SPHKAP: variants seen among roughly 807,000 people sequenced by gnomAD.
SPHKAP encodes A-kinase anchor protein SPHKAP.
In SPHKAP, 67 loss-of-function variants were observed where a neutral mutation model predicts 137.5. The ratio of observed to expected loss-of-function variants is 0.49; its 90% confidence interval spans 0.40 to 0.60. The LOEUF is 0.60. SPHKAP is among the 20% of genes least tolerant of loss of function. SPHKAP has a pLI of 0.00. For missense variants in SPHKAP, 2,097 were observed against 2,069.3 expected, an observed-to-expected ratio of 1.01 and a Z score of -0.26; for synonymous variants, 813 against 785.3, an observed-to-expected ratio of 1.04 and a Z score of -0.59.
chr2:228,027,379 T>G, intron 4 of SPHKAP, 105 bp downstream of exon 4: 1 of 1,179,076 alleles, frequency 8.5e-7, no homozygotes. Flanking sequence ...GTAATGAAAC[T>G]ATCTAACTAA....
chr2:228,101,945 A>T (rs1010180220), intron 3 of SPHKAP, among the ~76,000 whole-genome samples: 1 of 152,242 alleles, frequency 6.6e-6, no homozygotes, highest in Non-Finnish European at 1.5e-5. Context: ...ATACAACTTT[A>T]TCAACTTATA....
chr2:228,104,696 C>T (rs947068793), intron 3 of SPHKAP, among the ~76,000 whole-genome samples: 1 of 152,002 alleles, frequency 6.6e-6, no homozygotes, highest in Non-Finnish European at 1.5e-5. Flanking sequence ...AAGGCAGATA[C>T]AACACATTTT....
At chr2:228,109,024 T>TA (rs1267944920) in intron 2 of SPHKAP, 85 bp from the exon 3 acceptor site, 7 of 900,646 alleles carry the variant, frequency 7.8e-6, no homozygotes, top group African/African-American at 7.0e-5. Context: ...TTTTTTCTTA[T>TA]AAAAAAACCT....
chr2:228,081,297 T>C (rs537023897), intron 3 of SPHKAP, among the ~76,000 whole-genome samples: 1 of 152,310 alleles, frequency 6.6e-6, no homozygotes, highest in Admixed American at 6.5e-5. Context: ...GCTTTTCCCC[T>C]TTAAATATTG....
intron 3 of SPHKAP, among the ~76,000 whole-genome samples, chr2:228,034,607 T>A (rs917298104): frequency 6.6e-6 from 1 of 152,170 alleles, no homozygotes; most frequent in Non-Finnish European, 1.5e-5. Flanking sequence ...ATATCCTTGA[T>A]GAACATTGAT....
intron 1 of SPHKAP, among the ~76,000 whole-genome samples, chr2:228,164,114 G>C (rs559703392): frequency 6.6e-6 from 1 of 152,168 alleles, no homozygotes; most frequent in African/African-American, 2.4e-5. Flanking sequence ...CCCTTGCTGA[G>C]TCTTCTGGTT....
chr2:228,167,558 A>G (rs1700454972), intron 1 of SPHKAP, among the ~76,000 whole-genome samples: 1 of 152,172 alleles, frequency 6.6e-6, no homozygotes, highest in African/African-American at 2.4e-5. Context: ...ATGGGTTCTT[A>G]ATTTATTTTT....
intron 1 of SPHKAP, among the ~76,000 whole-genome samples, chr2:228,159,820 T>G (rs191585590): frequency 3.5e-4 from 54 of 152,304 alleles, no homozygotes; most frequent in Non-Finnish European, 5.6e-4. Flanking sequence ...ACTATGTATT[T>G]TGCCTCTGTG....
intron 3 of SPHKAP, among the ~76,000 whole-genome samples, chr2:228,105,762 T>C (rs4595964): frequency 0.6 from 91,269 of 152,022 alleles, 29,452 homozygotes; most frequent in Middle Eastern, 0.75. Context: ...GGTTCTCATT[T>C]TCTCTTGCCT....
intron 1 of SPHKAP, among the ~76,000 whole-genome samples, chr2:228,172,026 T>C (rs963365600): frequency 2.0e-5 from 3 of 148,912 alleles, no homozygotes; most frequent in African/African-American, 7.4e-5. Flanking sequence ...TTATGGTATG[T>C]TGGATTTTGT....
intron 3 of SPHKAP, among the ~76,000 whole-genome samples, chr2:228,041,298 C>A (rs1020079972): frequency 1.3e-5 from 2 of 151,998 alleles, no homozygotes; most frequent in Non-Finnish European, 2.9e-5. Flanking sequence ...AACATTTTTA[C>A]CTCCAAGGGC....
At position 228,098,814 on chromosome 2, in the gene SPHKAP, G is replaced by T. The variant is rs200452959; in HGVS notation, c.246+10018C>A. Among the ~76,000 whole-genome samples the T allele has an allele frequency of 4.6e-3, 693 of 150,006 alleles. 2 individuals carry two copies. Among genetic ancestry groups the T allele is most frequent in the Non-Finnish European group, 7.2e-3 (485 of 67,646 alleles). On this transcript the variant is annotated intron_variant, in intron 3 of 11. Coordinates refer to ENST00000392056, the MANE Select transcript of SPHKAP (RefSeq NM_001142644.2). Reference sequence around the variant, plus strand: ...TGGCCTTTGCCCATTTTTTAATGGGGTTTTTTTTGCTTGTTGATTTCTTAA... The same window carrying T: ...TGGCCTTTGCCCATTTTTTAATGGGTTTTTTTTTGCTTGTTGATTTCTTAA...
chr2:228,084,423 A>C (rs1444417876), intron 3 of SPHKAP, among the ~76,000 whole-genome samples: 1 of 152,196 alleles, frequency 6.6e-6, no homozygotes, highest in Non-Finnish European at 1.5e-5. Flanking sequence ...AATTATTAAC[A>C]AACTAAGAAA....
chr2:228,100,119 G>C (rs1044433625), intron 3 of SPHKAP, among the ~76,000 whole-genome samples: 1 of 152,076 alleles, frequency 6.6e-6, no homozygotes, highest in Non-Finnish European at 1.5e-5. Context: ...CAAAGTGCTG[G>C]GATTACAAGC....
At chr2:227,993,289 C>T (rs985257553) in intron 9 of SPHKAP, among the ~76,000 whole-genome samples, 1 of 152,164 alleles carries the variant, frequency 6.6e-6, no homozygotes, top group African/African-American at 2.4e-5. Flanking sequence ...ACATACACTT[C>T]AGATTATATT....
chr2:228,039,356 C>T (rs1439913142), intron 3 of SPHKAP, among the ~76,000 whole-genome samples: 3 of 152,132 alleles, frequency 2.0e-5, no homozygotes, highest in Non-Finnish European at 4.4e-5. Flanking sequence ...GAAGATGATG[C>T]CACCTTATGA....
At chr2:228,143,019 G>A (rs549870950) in intron 1 of SPHKAP, among the ~76,000 whole-genome samples, 1 of 151,924 alleles carries the variant, frequency 6.6e-6, no homozygotes, top group East Asian at 1.9e-4. Context: ...GACACCAAAC[G>A]AAAGACTTAC....
chr2:228,100,086 G>A (rs977098042), intron 3 of SPHKAP, among the ~76,000 whole-genome samples: 7 of 152,114 alleles, frequency 4.6e-5, no homozygotes, highest in Admixed American at 1.3e-4. Flanking sequence ...TCCTGACCTC[G>A]TGATCCACCC....
chr2:228,070,956 G>A (rs1359791124), intron 3 of SPHKAP, among the ~76,000 whole-genome samples: 1 of 152,046 alleles, frequency 6.6e-6, no homozygotes, highest in Non-Finnish European at 1.5e-5. Flanking sequence ...GGTGGCCCTG[G>A]GCATTGTTCA....
Sources: gnomAD v4.1 joint callset for allele counts (sites outside exome capture counted in the v4.1 genomes callset) on GRCh38, gnomAD v4.1.1 for gene constraint, MANE v1.5 for transcripts, NCBI Gene and HGNC (gene_info 2026-07-23, HGNC 2026-07-21) for gene names.